ADGB: variants seen among roughly 807,000 people sequenced by gnomAD.
The protein encoded by ADGB is calpain-7-like protein.
A neutral mutation model predicts 210.5 loss-of-function variants in ADGB; 172 were observed. The ratio of observed to expected loss-of-function variants is 0.82; its 90% CI spans 0.72 to 0.93. ADGB has a LOEUF of 0.93. ADGB is among the 40% of genes least tolerant of loss of function. ADGB has a pLI of 0.00. For missense variants in ADGB, 2,025 were observed against 1,964.8 expected (o/e 1.03, Z -0.58); for synonymous variants, 658 against 662.7 (o/e 0.99, Z 0.11).
intron 35 of ADGB, chr6:146,807,948 G>T: frequency 6.7e-6 from 1 of 149,948 alleles, no homozygotes; most frequent in Non-Finnish European, 1.4e-5. Context: ...AAGAAATTTA[G>T]TCTTAAACTT....
intron 16 of ADGB, among the ~76,000 whole-genome samples, chr6:146,719,438 T>TA (rs1385653279): frequency 4.6e-5 from 3 of 65,872 alleles, no homozygotes; most frequent in Non-Finnish European, 1.0e-4. Context: ...TTTCCCTGAA[T>TA]TTTTTTTAAT....
chr6:146,806,191 G>A (rs745482946), intron 35 of ADGB, among the ~76,000 whole-genome samples: 1 of 152,116 alleles, frequency 6.6e-6, no homozygotes, highest in African/African-American at 2.4e-5. Context: ...TAGGAAACGG[G>A]GAAAAAATAC....
At chr6:146,774,563 G>A (rs933235110) in intron 29 of ADGB, among the ~76,000 whole-genome samples, 67 of 152,100 alleles carry the variant, frequency 4.4e-4, no homozygotes, top group African/African-American at 1.5e-3. Flanking sequence ...CTGTTTGAAA[G>A]AATATTTTGT....
intron 1 of ADGB, among the ~76,000 whole-genome samples, chr6:146,628,597 G>T (rs764507807): frequency 6.6e-6 from 1 of 151,458 alleles, no homozygotes; most frequent in Non-Finnish European, 1.5e-5. Context: ...AGCTTGCATA[G>T]TACTGAACAG....
intron 27 of ADGB, among the ~76,000 whole-genome samples, chr6:146,753,489 A>G (rs1777357044): frequency 6.6e-6 from 1 of 151,974 alleles, no homozygotes; most frequent in African/African-American, 2.4e-5. Flanking sequence ...TAAATAACTG[A>G]TGATGACGTA....
At position 146,743,684 on chromosome 6, in the gene ADGB, T is replaced by C. The variant is rs1359394762; in HGVS notation, c.3178-2238T>C. 4.6e-5 allele frequency among the ~76,000 whole-genome samples: 7 copies of C among 152,024 alleles called. 1 individual carries two copies. The highest frequency in any genetic ancestry group is 7.4e-5 in the Non-Finnish European group (5 of 67,986). ...ATCCCAGCACTTTGGTAGGCCAAGG[T>C]GGGTGGGTCATCTGAGGTCAGGAGA... is the stretch of plus-strand genomic sequence containing the variant. On this transcript the variant is annotated intron_variant, in intron 25 of 35. Coordinates refer to ENST00000397944, the MANE Select transcript of ADGB (RefSeq NM_024694.4).
At chr6:146,629,829 T>C (rs971611854) in intron 1 of ADGB, among the ~76,000 whole-genome samples, 1 of 152,200 alleles carries the variant, frequency 6.6e-6, no homozygotes, top group Non-Finnish European at 1.5e-5. Context: ...AATACATTCT[T>C]ACATGCTACT....
At chr6:146,738,252 A>G (rs547592123) in intron 23 of ADGB, among the ~76,000 whole-genome samples, 7 of 152,260 alleles carry the variant, frequency 4.6e-5, no homozygotes, top group African/African-American at 1.7e-4. Flanking sequence ...TTATTACAGA[A>G]AAGTAGCCAC....
intron 1 of ADGB, among the ~76,000 whole-genome samples, chr6:146,609,730 C>G (rs980440877): frequency 1.3e-5 from 2 of 152,112 alleles, no homozygotes; most frequent in Non-Finnish European, 2.9e-5. Context: ...ATATGAAATT[C>G]TTCGTTGGAA....
intron 5 of ADGB, among the ~76,000 whole-genome samples, chr6:146,662,646 A>T (rs573140386): frequency 1.3e-5 from 2 of 151,908 alleles, no homozygotes; most frequent in South Asian, 2.1e-4. Flanking sequence ...TTCCCATTGA[A>T]ATTGAGACTT....
At chr6:146,623,715 T>C (rs1023972434) in intron 1 of ADGB, among the ~76,000 whole-genome samples, 2 of 151,922 alleles carry the variant, frequency 1.3e-5, no homozygotes, top group Non-Finnish European at 2.9e-5. Flanking sequence ...ATGATGTCAG[T>C]TCCAGGTTTC....
chr6:146,774,970 A>G (rs1343180944), intron 29 of ADGB, among the ~76,000 whole-genome samples: 2 of 152,086 alleles, frequency 1.3e-5, no homozygotes, highest in African/African-American at 4.8e-5. Context: ...ATGGGGTTTA[A>G]CCATTTTGGT....
At chr6:146,699,004 T>C (rs533755463) in intron 12 of ADGB, among the ~76,000 whole-genome samples, 2 of 152,328 alleles carry the variant, frequency 1.3e-5, no homozygotes, top group African/African-American at 4.8e-5. Context: ...CACAGAGTTT[T>C]TCTAAACTTA....
At chr6:146,619,385 T>C (rs932776800) in intron 1 of ADGB, among the ~76,000 whole-genome samples, 60 of 152,092 alleles carry the variant, frequency 3.9e-4, no homozygotes, top group African/African-American at 1.4e-3. Context: ...TATTGATAGA[T>C]AACGGTTTAT....
At chr6:146,669,816 C>T (rs1480611540) in intron 7 of ADGB, among the ~76,000 whole-genome samples, 1 of 152,048 alleles carries the variant, frequency 6.6e-6, no homozygotes, top group Non-Finnish European at 1.5e-5. Context: ...CTACAACTGC[C>T]TAAGTTACGT....
chr6:146,637,384 C>T (rs1212095822), intron 2 of ADGB, among the ~76,000 whole-genome samples: 1 of 151,890 alleles, frequency 6.6e-6, no homozygotes, highest in Non-Finnish European at 1.5e-5. Flanking sequence ...GAAAATTTTG[C>T]ATATAATTTT....
At chr6:146,780,310 G>A (rs1777780253) in intron 29 of ADGB, among the ~76,000 whole-genome samples, 1 of 152,036 alleles carries the variant, frequency 6.6e-6, no homozygotes, top group African/African-American at 2.4e-5. Context: ...ACAAGGTGTA[G>A]TGCATAAGAA....
At position 146,769,124 on chromosome 6, in the gene ADGB, T is replaced by C. The variant is rs1179059315; in HGVS notation, c.3855T>C (p.Asn1285=). 5.3e-6 allele frequency: 8 copies of C among 1,509,090 alleles called. No individual in the cohort carries two copies. Among genetic ancestry groups the C allele is most frequent in the Non-Finnish European group, 7.2e-6 (8 of 1,115,004 alleles). The allele number at this position is 1,509,090 out of a possible 1,614,324, so 93.5% of individuals were successfully genotyped here. A position where few individuals can be genotyped will look rare whatever the true frequency, so the allele number is the denominator to read the frequency against. The part of the protein sequence containing the change: ...VQALKDLKKS[N]TKAYGERHEE... Reference sequence around the variant, plus strand: ...CACTGAAAGACTTAAAGAAAAGTAATACCAAAGGTATGTCACCCTAAATGT... The same window carrying C: ...CACTGAAAGACTTAAAGAAAAGTAACACCAAAGGTATGTCACCCTAAATGT... The change falls in exon 29 of 36, where the codon AAT becomes AAC. Residue 1285 remains asparagine, a synonymous_variant. Transcript: ENST00000397944.
At position 146,701,011 on chromosome 6, in the gene ADGB, G is replaced by A; in HGVS notation, c.1648G>A (p.Asp550Asn). 3 of 1,551,098 alleles carry A rather than the reference G, an allele frequency of 1.9e-6. No individual in the cohort carries two copies. Among genetic ancestry groups the A allele is most frequent in the South Asian group, 1.2e-5 (1 of 84,040 alleles). Residue 550 changes from aspartate (D) to asparagine (N), a missense_variant, in exon 13 of 36, where the codon GAT (aspartate) becomes AAT (asparagine). Coordinates refer to ENST00000397944, the MANE Select transcript of ADGB (RefSeq NM_024694.4). The part of the protein sequence containing the change: ...GSDLPSVSET[D>N]ETATHSQTDL... ...TGATTTACCTTCCGTCAGTGAAACT[G>A]ATGAAACTGCAACACATAGCCAGAC...
Sources: allele counts gnomAD v4.1 joint callset (sites outside exome capture counted in the v4.1 genomes callset), GRCh38; gene constraint gnomAD v4.1.1; transcripts MANE v1.5; gene names NCBI Gene and HGNC (gene_info 2026-07-23, HGNC 2026-07-21).